Variants in FHIT observed in about 807,000 individuals in gnomAD.
The protein encoded by FHIT is bis(5'-adenosyl)-triphosphatase.
Under a neutral mutation model 17.9 loss-of-function variants are expected in FHIT, and 19 were observed. The ratio of observed to expected loss-of-function variants is 1.06; its 90% CI spans 0.74 to 1.56. FHIT has a LOEUF of 1.56. FHIT is among the 40% of genes most tolerant of loss of function. The pLI is 0.00. For missense variants in FHIT, 248 were observed against 189.2 expected, an observed-to-expected ratio of 1.31 and a Z score of -1.82; for synonymous variants, 81 against 69.7, an observed-to-expected ratio of 1.16 and a Z score of -0.81.
intron 5 of FHIT, among the ~76,000 whole-genome samples, chr3:60,505,685 G>C (rs982404176): frequency 1.3e-5 from 2 of 152,058 alleles, no homozygotes; most frequent in Non-Finnish European, 2.9e-5. Flanking sequence ...GTTTTTGATT[G>C]CTATTTTTCA....
intron 5 of FHIT, among the ~76,000 whole-genome samples, chr3:60,045,272 G>C (rs1481182923): frequency 1.3e-5 from 2 of 152,144 alleles, no homozygotes; most frequent in Non-Finnish European, 2.9e-5. Context: ...ACCTGAGACT[G>C]GGCAATTTAC....
chr3:59,918,498 C>T (rs1705244405), intron 8 of FHIT, among the ~76,000 whole-genome samples: 1 of 121,450 alleles, frequency 8.2e-6, no homozygotes, highest in Non-Finnish European at 1.9e-5. Context: ...TATCCCAGAA[C>T]TTGAAGTTAA....
chr3:60,320,280 G>A (rs905272364), intron 5 of FHIT, among the ~76,000 whole-genome samples: 4 of 152,108 alleles, frequency 2.6e-5, no homozygotes, highest in Admixed American at 6.5e-5. Context: ...GGAAAACTGG[G>A]GCAGATGGGG....
At chr3:59,963,930 T>C (rs1490257618) in intron 7 of FHIT, among the ~76,000 whole-genome samples, 1 of 152,194 alleles carries the variant, frequency 6.6e-6, no homozygotes, top group Non-Finnish European at 1.5e-5. Flanking sequence ...CGTCACATTT[T>C]TCATCGTAAC....
At chr3:60,467,183 T>G (rs1203306021) in intron 5 of FHIT, among the ~76,000 whole-genome samples, 1 of 152,084 alleles carries the variant, frequency 6.6e-6, no homozygotes, top group Non-Finnish European at 1.5e-5. Context: ...CTAATGATCT[T>G]TGAATTTCTA....
At chr3:60,422,870 G>A (rs1702527374) in intron 5 of FHIT, among the ~76,000 whole-genome samples, 1 of 152,010 alleles carries the variant, frequency 6.6e-6, no homozygotes, top group East Asian at 1.9e-4. Flanking sequence ...TTCTATGCCA[G>A]GGCTCTCCAA....
chr3:60,522,143 C>T (rs1472956629), intron 5 of FHIT, among the ~76,000 whole-genome samples: 7 of 142,978 alleles, frequency 4.9e-5, no homozygotes, highest in Non-Finnish European at 7.6e-5. Flanking sequence ...GAGTCTTGCT[C>T]TGTTGCCTAG....
intron 4 of FHIT, among the ~76,000 whole-genome samples, chr3:60,679,438 G>C (rs2040696202): frequency 6.6e-6 from 1 of 152,026 alleles, no homozygotes; most frequent in Non-Finnish European, 1.5e-5. Flanking sequence ...TGTTTTTATA[G>C]TTCCCAGTCT....
At chr3:61,064,767 C>T (rs1193957920) in intron 2 of FHIT, among the ~76,000 whole-genome samples, 1 of 152,132 alleles carries the variant, frequency 6.6e-6, no homozygotes, top group African/African-American at 2.4e-5. Flanking sequence ...ATAGCAAGGA[C>T]TAAATTGCTC....
chr3:60,967,577 A>T (rs1709806430), intron 3 of FHIT, among the ~76,000 whole-genome samples: 1 of 152,214 alleles, frequency 6.6e-6, no homozygotes, highest in South Asian at 2.1e-4. Context: ...ATGGTTTTGG[A>T]GTGCAAGTAT....
At chr3:60,319,790 G>A (rs1280687475) in intron 5 of FHIT, among the ~76,000 whole-genome samples, 1 of 152,154 alleles carries the variant, frequency 6.6e-6, no homozygotes, top group African/African-American at 2.4e-5. Flanking sequence ...ACCATAGTTC[G>A]TTTGGGGTTG....
intron 4 of FHIT, among the ~76,000 whole-genome samples, chr3:60,623,194 C>T (rs542128776): frequency 6.6e-6 from 1 of 152,302 alleles, no homozygotes; most frequent in Admixed American, 6.5e-5. Context: ...AATGCAATTG[C>T]GTGGCTGATC....
At chr3:60,554,855 A>T (rs241668) in intron 4 of FHIT, among the ~76,000 whole-genome samples, 97,064 of 152,016 alleles carry the variant, frequency 0.64, 31,859 homozygotes, top group African/African-American at 0.79. Flanking sequence ...GGCAATATTC[A>T]TGGCAAAGCA....
chr3:60,436,229 G>A (rs1378034832), intron 5 of FHIT, among the ~76,000 whole-genome samples: 1 of 151,848 alleles, frequency 6.6e-6, no homozygotes, highest in African/African-American at 2.4e-5. Flanking sequence ...TGTAATTTTA[G>A]TAGAGATGGG....
intron 7 of FHIT, among the ~76,000 whole-genome samples, chr3:59,989,441 G>C: frequency 6.6e-6 from 1 of 151,984 alleles, no homozygotes; most frequent in East Asian, 1.9e-4. Flanking sequence ...TTCACACTCA[G>C]GTTAACATTC....
chr3:61,056,934 A>G (rs1039628496), intron 2 of FHIT, among the ~76,000 whole-genome samples: 1 of 152,218 alleles, frequency 6.6e-6, no homozygotes, highest in Non-Finnish European at 1.5e-5. Flanking sequence ...CAAAAGATAA[A>G]AAAAACAAAC....
chr3:60,661,863 G>A (rs542549353), intron 4 of FHIT, among the ~76,000 whole-genome samples: 1 of 152,118 alleles, frequency 6.6e-6, no homozygotes, highest in African/African-American at 2.4e-5. Flanking sequence ...TCTGACAATT[G>A]TCTATTCATG....
intron 8 of FHIT, among the ~76,000 whole-genome samples, chr3:59,843,517 AAAC>A (rs556540251): frequency 9.4e-4 from 143 of 152,300 alleles, no homozygotes; most frequent in African/African-American, 3.3e-3. Context: ...ATAGTATTGA[AAAC>A]AATATTAAAT....
intron 7 of FHIT, among the ~76,000 whole-genome samples, chr3:59,982,610 T>C (rs1368469424): frequency 6.6e-6 from 1 of 152,192 alleles, no homozygotes; most frequent in Non-Finnish European, 1.5e-5. Context: ...TGCTTTAAGA[T>C]TTCTGTGCTC....
Sources: gnomAD v4.1 joint callset for allele counts (sites outside exome capture counted in the v4.1 genomes callset) on GRCh38, gnomAD v4.1.1 for gene constraint, MANE v1.5 for transcripts, NCBI Gene and HGNC (gene_info 2026-07-23, HGNC 2026-07-21) for gene names.